The following INTS6 variants were observed in gnomAD, a reference collection of about 807,000 sequenced individuals.
The protein encoded by INTS6 is DEAD box protein.
In INTS6, 16 loss-of-function variants were observed where a neutral mutation model predicts 104.9. That is an observed-to-expected ratio of 0.15 (90% CI 0.10 to 0.23). The LOEUF (loss-of-function observed/expected upper bound fraction) is 0.23, where lower values mean the gene tolerates loss of function less well. Among genes scored for constraint, INTS6 ranks in the 10% least tolerant of loss-of-function variants. INTS6 has a pLI of 1.00. For synonymous variants in INTS6, 324 were observed against 358.7 expected (o/e 0.90, Z 1.09); for missense variants, 584 against 1,062.8 (o/e 0.55, Z 6.26).
chr13:51,361,405 C>G, downstream of INTS6: 4 of 1,255,930 alleles, frequency 3.2e-6, no homozygotes, highest in Non-Finnish European at 4.6e-6. Context: ...TTACCCATAT[C>G]TACCTTTCTG....
chr13:51,406,997 A>C (rs1956581799), intron 4 of INTS6, among the ~76,000 whole-genome samples: 1 of 151,706 alleles, frequency 6.6e-6, no homozygotes, highest in African/African-American at 2.4e-5. Context: ...GCCCCTGGGA[A>C]GCCAAAAGAT....
At chr13:51,439,438 C>T (rs1163140793) in intron 3 of INTS6, 1 of 152,130 alleles carries the variant, frequency 6.6e-6, no homozygotes, top group African/African-American at 2.4e-5. Context: ...TTTTCATGTA[C>T]AATTCTCTCT....
intron 2 of INTS6, 196 bp from the exon 3 acceptor site, chr13:51,451,370 T>G (rs1953038325): frequency 2.6e-6 from 1 of 390,684 alleles, no homozygotes; most frequent in Non-Finnish European, 4.5e-6. Flanking sequence ...CTCTCTAGGT[T>G]TTGGTAGTTA....
chr13:51,451,882 G>A, intron 2 of INTS6, 96 bp downstream of exon 2: 1 of 776,262 alleles, frequency 1.3e-6, no homozygotes, highest in Non-Finnish European at 2.1e-6. Context: ...GGTGGGGGAG[G>A]GGAGCATAAT....
chr13:51,411,055 T>A (rs1956675432), intron 4 of INTS6, among the ~76,000 whole-genome samples: 1 of 149,692 alleles, frequency 6.7e-6, no homozygotes, highest in Non-Finnish European at 1.5e-5. Context: ...CTACTAAAAA[T>A]AAAAAAAATT....
chr13:51,358,150 T>G (rs1021663136), downstream of INTS6, among the ~76,000 whole-genome samples: 14 of 152,016 alleles, frequency 9.2e-5, no homozygotes, highest in Admixed American at 6.6e-4. Flanking sequence ...CTGGGCCGGG[T>G]GCTATGTGTT....
chr13:51,396,194 C>A (rs1956334628), intron 4 of INTS6, among the ~76,000 whole-genome samples: 1 of 152,164 alleles, frequency 6.6e-6, no homozygotes, highest in Non-Finnish European at 1.5e-5. Context: ...ACAGCAATCT[C>A]AAACATCTTT....
intron 4 of INTS6, among the ~76,000 whole-genome samples, chr13:51,417,067 G>A (rs920763645): frequency 3.3e-5 from 5 of 152,178 alleles, no homozygotes; most frequent in Middle Eastern, 3.4e-3. Context: ...TTTTAAATTA[G>A]ATTGTCTTTT....
At chr13:51,358,251 C>T (rs555351669), downstream of INTS6, among the ~76,000 whole-genome samples, 4 of 152,162 alleles carry the variant, frequency 2.6e-5, no homozygotes, top group African/African-American at 9.6e-5. Flanking sequence ...CTGGCAATAA[C>T]ATTTTAAAAG....
At chr13:51,396,494 CAG>C (rs1206449400) in intron 4 of INTS6, among the ~76,000 whole-genome samples, 1 of 152,120 alleles carries the variant, frequency 6.6e-6, no homozygotes, top group Non-Finnish European at 1.5e-5. Context: ...AACAGAGTAA[CAG>C]TGTACAAACA....
At chr13:51,431,705 C>T (rs1431311941) in intron 3 of INTS6, among the ~76,000 whole-genome samples, 4 of 152,056 alleles carry the variant, frequency 2.6e-5, no homozygotes, top group Non-Finnish European at 5.9e-5. Flanking sequence ...GTGACACGTG[C>T]ACTTTTCTAA....
At chr13:51,347,423 A>G in the INTS6 span, among the ~76,000 whole-genome samples, 1 of 152,328 alleles carries the variant, frequency 6.6e-6, no homozygotes, top group East Asian at 1.9e-4. Flanking sequence ...AGTGTGGGAC[A>G]GTGTGCTCTG....
In INTS6 at chr13:51,398,039, A is replaced by G. The variant is rs539524303; in HGVS notation, c.430-2556T>C. On this transcript the variant is annotated intron_variant, in intron 4 of 17. Transcript: ENST00000311234. ...ATAAACTTTAGGCAAATTTTTATTT[A>G]TTTTTCTATTGCTTCTCATTTCTCC... Among the ~76,000 whole-genome samples the G allele has an allele frequency of 8.5e-5, 13 of 152,248 alleles. No individual in the cohort carries two copies. In the South Asian group the frequency reaches 2.5e-3, roughly 29 times the overall value.
intron 4 of INTS6, among the ~76,000 whole-genome samples, chr13:51,411,511 C>A (rs1427904090): frequency 6.6e-6 from 1 of 151,224 alleles, no homozygotes; most frequent in Non-Finnish European, 1.5e-5. Context: ...TGAGATCGTG[C>A]CGTTGCACTC....
At chr13:51,355,309 T>A (rs1408789819) in intron 3 of INTS6, among the ~76,000 whole-genome samples, 2 of 152,196 alleles carry the variant, frequency 1.3e-5, no homozygotes, top group East Asian at 3.8e-4. Context: ...CAAATTTGGG[T>A]TAGATCTTGT....
chr13:51,429,785 A>AAAAAAATATATATAT (rs1156333077), intron 4 of INTS6, among the ~76,000 whole-genome samples: 7 of 92,358 alleles, frequency 7.6e-5, no homozygotes, highest in African/African-American at 3.2e-4. Context: ...AAAAAAAAAA[A>AAAAAAATATATATAT]ATATATATAT....
intron 4 of INTS6, among the ~76,000 whole-genome samples, chr13:51,429,785 A>AAAAAAAAATATATATAT (rs1156333077): frequency 2.2e-5 from 2 of 92,358 alleles, no homozygotes; most frequent in African/African-American, 9.2e-5. Context: ...AAAAAAAAAA[A>AAAAAAAAATATATATAT]ATATATATAT....
In INTS6 at chr13:51,452,918, G is replaced by A; in HGVS notation, c.-393C>T. ...GTACAGGAGTGGGGACCTGGGAGCT[G>A]GCGAAGAGGGGAGTGGGCTGAGGGA... On this transcript the variant is annotated 5_prime_UTR_variant, in exon 1 of 18. Transcript: ENST00000311234. The surrounding 1 kb of genome is among the most constrained non-coding windows in gnomAD (Gnocchi z 4.2). 1 of 1,081,408 alleles carries A rather than the reference G, an allele frequency of 9.2e-7. No homozygotes were observed. Among genetic ancestry groups the A allele is most frequent in the Non-Finnish European group, 1.1e-6 (1 of 887,906 alleles). 67.0% of individuals were successfully genotyped at this position (1,081,408 alleles called of 1,614,324 possible).
chr13:51,352,179 A>C (rs1337736307), downstream of INTS6, among the ~76,000 whole-genome samples: 1 of 152,116 alleles, frequency 6.6e-6, no homozygotes, highest in Non-Finnish European at 1.5e-5. Context: ...ATTGTGTTGA[A>C]TCTGCAGATC....
Sources: gnomAD v4.1 joint callset for allele counts (sites outside exome capture counted in the v4.1 genomes callset) on GRCh38, gnomAD v4.1.1 for gene constraint, Gnocchi (gnomAD v3.1) non-coding constraint, MANE v1.5 for transcripts, NCBI Gene and HGNC (gene_info 2026-07-23, HGNC 2026-07-21) for gene names.